TRAPPC9: variants seen among roughly 807,000 people sequenced by gnomAD.
The protein encoded by TRAPPC9 is trafficking protein particle complex subunit 9.
TRAPPC9 carries 83 observed loss-of-function variants against 124.0 expected under a neutral mutation model. That is an observed-to-expected ratio of 0.67 (90% confidence interval 0.56 to 0.80). TRAPPC9 has a LOEUF of 0.80. Among genes scored for constraint, TRAPPC9 ranks in the 30% least tolerant of loss-of-function variants. The probability of loss-of-function intolerance (pLI) is 0.00; values close to 1 mark genes in which losing one functional copy is unlikely to be tolerated. For synonymous variants in TRAPPC9, 638 were observed against 617.5 expected (o/e 1.03, Z -0.49); for missense variants, 1,302 against 1,508.3 (o/e 0.86, Z 2.27).
chr8:140,147,326 A>G (rs1268419195), intron 17 of TRAPPC9, among the ~76,000 whole-genome samples: 1 of 152,196 alleles, frequency 6.6e-6, no homozygotes, highest in Non-Finnish European at 1.5e-5. Flanking sequence ...AATCTCTAAG[A>G]TAGATTTAAG....
intron 19 of TRAPPC9, among the ~76,000 whole-genome samples, chr8:139,980,754 G>A (rs1381607379): frequency 3.3e-5 from 5 of 152,226 alleles, no homozygotes; most frequent in East Asian, 1.9e-4. Context: ...CAGCCCGTGC[G>A]TGTTCATCTC....
At chr8:140,092,475 G>GCATGAGCCAC in intron 17 of TRAPPC9, among the ~76,000 whole-genome samples, 1 of 152,274 alleles carries the variant, frequency 6.6e-6, no homozygotes, top group African/African-American at 2.4e-5. Flanking sequence ...GGGACTACAG[G>GCATGAGCCAC]CATGAGCCAC....
At chr8:140,082,842 G>A (rs1043147825) in intron 17 of TRAPPC9, among the ~76,000 whole-genome samples, 5 of 152,160 alleles carry the variant, frequency 3.3e-5, no homozygotes, top group Non-Finnish European at 5.9e-5. Flanking sequence ...AGCTGGTCAC[G>A]TTGACTTGGG....
intron 7 of TRAPPC9, among the ~76,000 whole-genome samples, chr8:140,375,955 C>T (rs1252237083): frequency 2.6e-5 from 4 of 152,160 alleles, no homozygotes; most frequent in Non-Finnish European, 5.9e-5. Context: ...CTCCTCTCTC[C>T]GGCTATTTCC....
rs1563803973 is a variant in TRAPPC9 at position 140,156,972 on chromosome 8, A to AAAGCCTCCCTTTTCCATTCAG, written c.2556+64486_2556+64487insCTGAATGGAAAAGGGAGGCTT. Among the ~76,000 whole-genome samples the AAAGCCTCCCTTTTCCATTCAG allele has an allele frequency of 1.3e-3, 137 of 109,360 alleles. 21 individuals carry two copies. Among genetic ancestry groups the AAAGCCTCCCTTTTCCATTCAG allele is most frequent in the Admixed American group, 1.5e-3 (17 of 11,070 alleles). 71.7% of individuals were successfully genotyped at this position (109,360 alleles called of 152,430 possible). On this transcript the variant is annotated intron_variant, in intron 17 of 22. Coordinates refer to ENST00000438773, the MANE Select transcript of TRAPPC9 (RefSeq NM_001160372.4). ...TTCAAAAGCCTCCCTTTTCCATTCA[A>AAAGCCTCCCTTTTCCATTCAG]AAGCCTCCCTTTCCATTCAAAAGCC...
intron 16 of TRAPPC9, among the ~76,000 whole-genome samples, chr8:140,225,610 G>A (rs768143799): frequency 4.6e-5 from 7 of 152,130 alleles, no homozygotes; most frequent in African/African-American, 1.4e-4. Flanking sequence ...TGTGCAAAAC[G>A]TAAACTCCAC....
chr8:139,784,606 GACATATATATATATATATAT>G (rs1445789873), intron 21 of TRAPPC9, among the ~76,000 whole-genome samples: 5 of 30,434 alleles, frequency 1.6e-4, no homozygotes, highest in Admixed American at 4.5e-4. Flanking sequence ...ATAAAAGACT[GACATATATATATATATATAT>G]ATATATATAT....
chr8:139,992,512 A>T (rs1837709818), intron 18 of TRAPPC9, among the ~76,000 whole-genome samples: 1 of 151,980 alleles, frequency 6.6e-6, no homozygotes, highest in African/African-American at 2.4e-5. Flanking sequence ...GTTATGTTCA[A>T]AGATGGAAAG....
At chr8:139,990,416 G>T (rs1056832026) in intron 18 of TRAPPC9, among the ~76,000 whole-genome samples, 2 of 152,122 alleles carry the variant, frequency 1.3e-5, no homozygotes, top group Non-Finnish European at 2.9e-5. Context: ...TGAGGTACAG[G>T]GGGTAGAGTG....
intron 19 of TRAPPC9, among the ~76,000 whole-genome samples, chr8:139,953,139 A>G (rs1834750642): frequency 6.6e-6 from 1 of 152,222 alleles, no homozygotes; most frequent in Admixed American, 6.5e-5. Context: ...ACCTTGCACT[A>G]TCTACAACAA....
At chr8:140,198,471 C>T (rs1191053226) in intron 17 of TRAPPC9, among the ~76,000 whole-genome samples, 4 of 152,018 alleles carry the variant, frequency 2.6e-5, no homozygotes, top group Non-Finnish European at 5.9e-5. Flanking sequence ...TCTGATCTTG[C>T]GGCCCCCACC....
intron 7 of TRAPPC9, among the ~76,000 whole-genome samples, chr8:140,383,157 A>C (rs1453782098): frequency 1.3e-5 from 2 of 152,270 alleles, no homozygotes; most frequent in African/African-American, 2.4e-5. Flanking sequence ...TCAAAACCCC[A>C]TCTGTATATC....
At chr8:139,829,342 T>C (rs924074815) in intron 21 of TRAPPC9, among the ~76,000 whole-genome samples, 4 of 152,254 alleles carry the variant, frequency 2.6e-5, no homozygotes, top group African/African-American at 9.6e-5. Flanking sequence ...AAGCAGACGA[T>C]AGGGATGTCA....
At chr8:140,202,433 C>A (rs1052250773) in intron 17 of TRAPPC9, among the ~76,000 whole-genome samples, 33 of 152,126 alleles carry the variant, frequency 2.2e-4, no homozygotes, top group African/African-American at 6.8e-4. Context: ...AAAAAAGTAG[C>A]ATCTTGTTTC....
At chr8:140,044,513 G>A (rs916082528) in intron 17 of TRAPPC9, among the ~76,000 whole-genome samples, 5 of 152,212 alleles carry the variant, frequency 3.3e-5, no homozygotes, top group Admixed American at 3.3e-4. Flanking sequence ...TGACACCACT[G>A]TAAAAATTGG....
At chr8:140,022,386 C>T (rs907115025) in intron 18 of TRAPPC9, among the ~76,000 whole-genome samples, 1 of 152,206 alleles carries the variant, frequency 6.6e-6, no homozygotes, top group Non-Finnish European at 1.5e-5. Context: ...GCAAGGGCCA[C>T]AGGCTTGGGG....
intron 17 of TRAPPC9, among the ~76,000 whole-genome samples, chr8:140,083,008 C>T (rs11166948): frequency 0.4 from 60,403 of 151,960 alleles, 13,992 homozygotes; most frequent in Middle Eastern, 0.57. Flanking sequence ...TCCTGGCCAA[C>T]ATGGTAAAAC....
At chr8:140,206,756 C>CATATATATATATAT (rs150660269) in intron 17 of TRAPPC9, among the ~76,000 whole-genome samples, 5 of 145,834 alleles carry the variant, frequency 3.4e-5, no homozygotes, top group African/African-American at 1.3e-4. Context: ...CATATACATA[C>CATATATATATATAT]ATATATATAT....
At chr8:140,092,395 C>T (rs1844631029) in intron 17 of TRAPPC9, among the ~76,000 whole-genome samples, 1 of 151,984 alleles carries the variant, frequency 6.6e-6, no homozygotes, top group South Asian at 2.1e-4. Flanking sequence ...ATGGTTTTCA[C>T]CATGTTGGCC....
Sources: allele counts gnomAD v4.1 joint callset (sites outside exome capture counted in the v4.1 genomes callset), GRCh38; gene constraint gnomAD v4.1.1; transcripts MANE v1.5; gene names NCBI Gene and HGNC (gene_info 2026-07-23, HGNC 2026-07-21).